The following DIS3 variants were observed in gnomAD, a reference collection of about 807,000 sequenced individuals.
DIS3 encodes the protein DIS3 exosome endoribonuclease and 3'-5' exoribonuclease, also known as exosome complex exonuclease RRP44.
In DIS3, 103 loss-of-function variants were observed where a neutral mutation model predicts 113.0. The ratio of observed to expected loss-of-function variants is 0.91; its 90% CI spans 0.78 to 1.07. The LOEUF (loss-of-function observed/expected upper bound fraction) is 1.07. Among genes scored for constraint, DIS3 ranks in the 50% least tolerant of loss-of-function variants. DIS3 has a pLI of 0.00. For missense variants in DIS3, 1,121 were observed against 1,167.1 expected (o/e 0.96, Z 0.58); for synonymous variants, 402 against 394.3 (o/e 1.02, Z -0.23).
At position 72,771,112 on chromosome 13, in the gene DIS3, T is replaced by C. The variant is rs1379461331; in HGVS notation, c.1639A>G (p.Asn547Asp). 5.0e-6 allele frequency: 8 copies of C among 1,613,712 alleles called. No homozygotes were observed. Among genetic ancestry groups the C allele is most frequent in the Admixed American group, 1.7e-5 (1 of 59,990 alleles). The change falls in exon 12 of 21, where the codon AAC (asparagine) becomes GAC (aspartate). Residue 547 changes from asparagine (N) to aspartate (D), a missense_variant. By Grantham distance (23) the Asn-to-Asp change is conservative. This residue lies in a region of DIS3 where 861 missense variants were observed against 915.5 expected (regional missense o/e 0.94). Transcript: ENST00000377767. ...ACGTCACATTTTAAGGAACACAAGT[T>C]AGAGCTAAGCAACTCTGGAACCATG... The part of the protein sequence containing the change: ...IDMVPELLSS[N>D]LCSLKCDVDR...
rs777989206 is a variant in DIS3, at chr13:72,778,302, C to T, written c.465G>A (p.Trp155Ter). Reference sequence around the variant, plus strand: ...ACATTTTTTTCAAATGTTCATTGTACCATTTTGCTGCTACTCGAATCGCTC... The same window carrying T: ...ACATTTTTTTCAAATGTTCATTGTATCATTTTGCTGCTACTCGAATCGCTC... ...NDRAIRVAAK[W>*]YNEHLKKMSA... The change falls in exon 3 of 21, where the codon TGG becomes TGA. Residue 155 changes from tryptophan to a stop codon, truncating the protein, a stop_gained. Transcript: ENST00000377767. LOFTEE classifies it high-confidence loss of function. 1 of 1,606,146 alleles carries T rather than the reference C, an allele frequency of 6.2e-7. No homozygotes were observed. Among genetic ancestry groups the T allele is most frequent in the Non-Finnish European group, 8.5e-7 (1 of 1,174,256 alleles).
At position 72,768,901 on chromosome 13, in the gene DIS3, C is replaced by T. The variant is rs2196979; in HGVS notation, c.1767G>A (p.Thr589=). ...CAATTCTCAACTGAGCTTCAGCATA[C>T]GTCAGAGATGCCTAAAAAAGAAAAT... is the stretch of plus-strand genomic sequence containing the variant. ...KSVINSKASL[T]YAEAQLRIDS... is the part of the protein sequence containing the mutation. Residue 589 remains threonine, a synonymous_variant, in exon 14 of 21, where the codon ACG becomes ACA. Coordinates refer to ENST00000377767, the MANE Select transcript of DIS3 (RefSeq NM_014953.5). 1,147,958 of 1,587,024 alleles carry T rather than the reference C, an allele frequency of 0.72. 417,175 individuals are homozygous for T. Among genetic ancestry groups the T allele is most frequent in the African/African-American group, 0.82 (60,676 of 74,284 alleles).
At chr13:72,769,038 A>T (rs879745988) in intron 13 of DIS3, 126 bp from the exon 14 acceptor site, 1 of 568,696 alleles carries the variant, frequency 1.8e-6, no homozygotes, top group Non-Finnish European at 3.0e-6. Flanking sequence ...AACAAAATAG[A>T]AATTCTTAGC....
At position 72,770,906 on chromosome 13, in the gene DIS3, T is replaced by G. The variant is rs1370255184; in HGVS notation, c.1753A>C (p.Lys585Gln). The change falls in exon 13 of 21, where the codon AAG becomes CAG. Residue 585 changes from lysine to glutamine, a missense_variant and splice_region_variant. Around this residue, in one of 3 missense-constraint regions of DIS3, gnomAD observed 861 missense variants for 915.5 expected, o/e 0.94. Transcript: ENST00000377767. ...TKFTKSVINS[K>Q]ASLTYAEAQL... ...AGATTAATAGCCATGAAACGAACCT[T>G]TGAATTAATAACACTTTTGGTAAAC... The G allele has an allele frequency of 3.8e-6, 6 of 1,593,966 alleles. No homozygotes were observed. The African/African-American group carries it at 5.4e-5, about 14-fold the overall frequency.
In DIS3 at chr13:72,755,025, T is replaced by C. The variant is rs2033411372; in HGVS notation, c.*4770A>G. 7.1e-6 allele frequency: 5 copies of C among 705,282 alleles called. No homozygotes were observed. Among genetic ancestry groups the C allele is most frequent in the Non-Finnish European group, 1.2e-5 (5 of 411,802 alleles). 43.7% of individuals were successfully genotyped at this position (705,282 alleles called of 1,614,324 possible). A position where few individuals can be genotyped will look rare whatever the true frequency, so the allele number is the denominator to read the frequency against. ...GAATATTGATTTATAAAATACTGTA[T>C]CTTTACTGTCCCTTCAGAGTTCAGC... On this transcript the variant is annotated 3_prime_UTR_variant, in exon 21 of 21. Transcript: ENST00000377767.
chr13:72,761,289 T>C (rs1593834413), intron 19 of DIS3, 74 bp downstream of exon 19: 2 of 1,530,988 alleles, frequency 1.3e-6, no homozygotes, highest in East Asian at 4.7e-5. Context: ...TTTTATGCTT[T>C]ATAGGTACCA....
chr13:72,764,956 G>T (rs1386864873), intron 15 of DIS3, among the ~76,000 whole-genome samples: 4 of 152,034 alleles, frequency 2.6e-5, no homozygotes, highest in African/African-American at 9.7e-5. Context: ...TACTATAAGG[G>T]ATTGTTAGAT....
At position 72,768,885 on chromosome 13, in the gene DIS3, A is replaced by G. The variant is rs565666790; in HGVS notation, c.1783T>C (p.Leu595=). Residue 595 remains leucine (L), a synonymous_variant, in exon 14 of 21, where the codon TTG becomes CTG. Transcript: ENST00000377767. The part of the protein sequence containing the change: ...KASLTYAEAQ[L]RIDSANMNDD... ...TTCATGTTTGCTGAATCAATTCTCA[A>G]CTGAGCTTCAGCATACGTCAGAGAT... The G allele has an allele frequency of 3.6e-5, 57 of 1,600,794 alleles. No individual in the cohort carries two copies. Among genetic ancestry groups the G allele is most frequent in the Non-Finnish European group, 4.5e-5 (53 of 1,168,724 alleles).
In DIS3 at chr13:72,771,832, G is replaced by A; in HGVS notation, c.1568C>T (p.Ser523Leu). The A allele has an allele frequency of 6.2e-7, 1 of 1,613,716 alleles. No individual in the cohort carries two copies. The highest frequency in any genetic ancestry group is 2.2e-5 in the East Asian group (1 of 44,830). Residue 523 changes from serine to leucine, a missense_variant, in exon 11 of 21, where the codon TCA becomes TTA. Around this residue, in one of 3 missense-constraint regions of DIS3, gnomAD observed 861 missense variants for 915.5 expected, o/e 0.94. Coordinates refer to ENST00000377767, the MANE Select transcript of DIS3 (RefSeq NM_014953.5). ...ATACACAGTTGTTCCTCTTCTGGCT[G>A]ATTCTTGATCCAAGGCATTTCCTGG... ...IRPGNALDQE[S>L]ARRGTTVYLC...
chr13:72,758,217 G>C lies in DIS3; in HGVS notation c.*1578C>G, dbSNP rs1055445233. On this transcript the variant is annotated 3_prime_UTR_variant, in exon 21 of 21. Transcript: ENST00000377767. ...AATCAGTACAGTAATATGCCATACA[G>C]GTTTGTAGGTTAGGAGCAATAGGCT... 2 of 181,218 alleles carry C rather than the reference G, an allele frequency of 1.1e-5. No homozygotes were observed. The highest frequency in any genetic ancestry group is 2.4e-5 in the Non-Finnish European group (2 of 84,908). 11.2% of individuals were successfully genotyped at this position (181,218 alleles called of 1,614,324 possible).
At chr13:72,773,578 C>T in intron 8 of DIS3, 106 bp downstream of exon 8, 1 of 1,266,204 alleles carries the variant, frequency 7.9e-7, no homozygotes, top group South Asian at 1.6e-5. Flanking sequence ...CTCTAAATTT[C>T]AGTACAAATT....
chr13:72,775,183 C>CA (rs749797041), intron 6 of DIS3, 28 bp downstream of exon 6: 307 of 1,561,122 alleles, frequency 2.0e-4, no homozygotes, highest in East Asian at 7.8e-4. Flanking sequence ...GCTACACAGA[C>CA]AAAAAAAAAT....
Position 72,752,203 on chromosome 13 carries a change from G to C in DIS3, c.*7592C>G, listed in dbSNP as rs1035640633. ...GAGTTCTTTTATTTCCAGGCTGTGGGATCTTAAGGCAAGATTTACATAGCA... is the reference window on the plus strand; with the variant it reads ...GAGTTCTTTTATTTCCAGGCTGTGGCATCTTAAGGCAAGATTTACATAGCA... On this transcript the variant is annotated 3_prime_UTR_variant, in exon 21 of 21. Transcript: ENST00000377767. 1 of 152,176 alleles carries C rather than the reference G, an allele frequency of 6.6e-6. No individual in the cohort carries two copies. The highest frequency in any genetic ancestry group is 2.4e-5 in the African/African-American group (1 of 41,430). The allele number at this position is 152,176 out of a possible 1,614,324, so 9.4% of individuals were successfully genotyped here. A position where few individuals can be genotyped will look rare whatever the true frequency, so the allele number is the denominator to read the frequency against.
chr13:72,768,176 C>G (rs1324441606), intron 14 of DIS3, among the ~76,000 whole-genome samples: 1 of 152,152 alleles, frequency 6.6e-6, no homozygotes, highest in Non-Finnish European at 1.5e-5. Flanking sequence ...AACCTAATGT[C>G]CAATCTGGAA....
At chr13:72,778,944 T>G (rs1229157637) in intron 2 of DIS3, among the ~76,000 whole-genome samples, 3 of 152,236 alleles carry the variant, frequency 2.0e-5, no homozygotes, top group African/African-American at 7.2e-5. Flanking sequence ...CTCCCAAGTA[T>G]GTCAACACAT....
intron 20 of DIS3, 65 bp from the exon 21 acceptor site, chr13:72,759,943 C>A: frequency 7.8e-7 from 1 of 1,286,868 alleles, no homozygotes. Flanking sequence ...CAACCTCATC[C>A]TCCCCTTCCC....
Position 72,775,254 on chromosome 13 carries a change from T to C in DIS3, c.944A>G (p.Gln315Arg), listed in dbSNP as rs1324739170. Residue 315 changes from glutamine (Q) to arginine (R), a missense_variant, in exon 6 of 21, where the codon CAA becomes CGA. Physicochemically the swap from Gln to Arg is conservative, Grantham distance 43. Transcript: ENST00000377767. ...PSSVVLHDEG[Q>R]NEEDVEKEEE... The stretch of plus-strand genomic sequence containing the variant: ...TTCTTTCTCCACATCTTCTTCATTT[T>C]GACCTTCATCATGTAAAACCACAGA... The C allele has an allele frequency of 6.2e-7, 1 of 1,613,692 alleles. No homozygotes were observed.
At chr13:72,772,929 C>A in intron 8 of DIS3, 90 bp from the exon 9 acceptor site, 1 of 1,371,178 alleles carries the variant, frequency 7.3e-7, no homozygotes, top group African/African-American at 1.5e-5. Flanking sequence ...CATATCTTCT[C>A]AGTATTCCTA....
chr13:72,777,458 C>G lies in DIS3; in HGVS notation c.616G>C (p.Glu206Gln), dbSNP rs760670933. 1 of 1,613,964 alleles carries G rather than the reference C, an allele frequency of 6.2e-7. No homozygotes were observed. The highest frequency in any genetic ancestry group is 8.5e-7 in the Non-Finnish European group (1 of 1,179,978). ...AAACAAGCAAGACGATCTATGAGTT[C>G]GGGGTTAGCAGTTAGGCTCTTTACA... ...EYVKSLTANP[E>Q]LIDRLACLSE... Residue 206 changes from glutamate to glutamine, a missense_variant, in exon 4 of 21, where the codon GAA (glutamate) becomes CAA (glutamine). Physicochemically the swap from Glu to Gln is conservative, Grantham distance 29 (BLOSUM62 2). This residue lies in a region of DIS3 where 861 missense variants were observed against 915.5 expected (regional missense o/e 0.94). Coordinates refer to ENST00000377767, the MANE Select transcript of DIS3 (RefSeq NM_014953.5).
Sources: gnomAD v4.1 joint callset for allele counts (sites outside exome capture counted in the v4.1 genomes callset) on GRCh38, gnomAD v4.1.1 for gene constraint, gnomAD v4.1.1 regional missense constraint, MANE v1.5 for transcripts, NCBI Gene and HGNC (gene_info 2026-07-23, HGNC 2026-07-21) for gene names.